The following SMURF2 variants were observed in gnomAD, a reference collection of about 807,000 sequenced individuals.
SMURF2 encodes E3 ubiquitin-protein ligase SMURF2.
In SMURF2, 48 loss-of-function variants were observed where a neutral mutation model predicts 109.6. That is an observed-to-expected ratio of 0.44 (90% CI 0.35 to 0.56). The LOEUF is 0.56. SMURF2 is among the 20% of genes least tolerant of loss of function. The pLI is 0.01. For missense variants in SMURF2, 575 were observed against 909.0 expected (o/e 0.63, Z 4.72); for synonymous variants, 288 against 317.1 (o/e 0.91, Z 0.97).
chr17:64,614,257 G>C (rs1970091689), intron 1 of SMURF2, among the ~76,000 whole-genome samples: 1 of 152,086 alleles, frequency 6.6e-6, no homozygotes, highest in Non-Finnish European at 1.5e-5. Context: ...TATACAGAAA[G>C]GCACAAAAAT....
chr17:64,592,834 C>T (rs1969768530), intron 4 of SMURF2, among the ~76,000 whole-genome samples: 1 of 152,192 alleles, frequency 6.6e-6, no homozygotes, highest in African/African-American at 2.4e-5. Context: ...TTGGTCTAAT[C>T]TTCTAAATCC....
rs1555682984 is a variant in SMURF2 at position 64,545,269 on chromosome 17, T to G, written c.*579A>C. 1 of 152,614 alleles carries G rather than the reference T, an allele frequency of 6.6e-6. No individual in the cohort carries two copies. The highest frequency in any genetic ancestry group is 1.5e-5 in the Non-Finnish European group (1 of 68,032). 9.5% of individuals were successfully genotyped at this position (152,614 alleles called of 1,614,324 possible). A position where few individuals can be genotyped will look rare whatever the true frequency, so the allele number is the denominator to read the frequency against. ...CTAGGTTGAAACATATAATGCAAAA[T>G]ATAATGCTCTGCTATAGAAAAACAC... is the stretch of plus-strand genomic sequence containing the variant. On this transcript the variant is annotated 3_prime_UTR_variant, in exon 19 of 19. Coordinates refer to ENST00000262435, the MANE Select transcript of SMURF2 (RefSeq NM_022739.4).
intron 1 of SMURF2, among the ~76,000 whole-genome samples, chr17:64,613,277 A>C (rs1970070592): frequency 6.6e-6 from 1 of 152,150 alleles, no homozygotes; most frequent in African/African-American, 2.4e-5. Flanking sequence ...CAAACTCCTG[A>C]TTATGTCACC....
chr17:64,548,238 C>T (rs1304436872), intron 16 of SMURF2, among the ~76,000 whole-genome samples: 3 of 152,116 alleles, frequency 2.0e-5, no homozygotes, highest in African/African-American at 7.2e-5. Context: ...AGTTTCAATA[C>T]CTATTAGCTT....
intron 1 of SMURF2, among the ~76,000 whole-genome samples, chr17:64,660,268 G>A (rs1970756968): frequency 6.6e-6 from 1 of 152,112 alleles, no homozygotes; most frequent in Non-Finnish European, 1.5e-5. Flanking sequence ...CTGCACACCT[G>A]GGATCACATG....
At chr17:64,612,228 C>T (rs557773161) in intron 1 of SMURF2, among the ~76,000 whole-genome samples, 1 of 152,240 alleles carries the variant, frequency 6.6e-6, no homozygotes, top group East Asian at 1.9e-4. Context: ...TCTCTTCCTG[C>T]ACCAAGCACA....
intron 5 of SMURF2, among the ~76,000 whole-genome samples, chr17:64,589,392 G>GTT (rs782203785): frequency 1.9e-4 from 26 of 134,812 alleles, no homozygotes; most frequent in South Asian, 2.4e-4. Context: ...TTATTTTTGA[G>GTT]TTTTTTTTTT....
chr17:64,580,561 T>C (rs1598280583), intron 8 of SMURF2, among the ~76,000 whole-genome samples: 1 of 152,214 alleles, frequency 6.6e-6, no homozygotes, highest in Non-Finnish European at 1.5e-5. Context: ...CTCACTTCAT[T>C]ATAGAAGAGC....
intron 1 of SMURF2, among the ~76,000 whole-genome samples, chr17:64,633,648 T>G (rs1459077919): frequency 5.3e-5 from 8 of 152,220 alleles, no homozygotes; most frequent in African/African-American, 1.9e-4. Context: ...ATCTTACAAC[T>G]TCAGTTGATT....
At position 64,545,716 on chromosome 17, in the gene SMURF2, TAA is replaced by T. The variant is rs1555683029; in HGVS notation, c.*130_*131del. The T allele has an allele frequency of 7.0e-3, 935 of 133,950 alleles. No individual in the cohort carries two copies. The highest frequency in any genetic ancestry group is 0.011 in the South Asian group (110 of 10,162). 8.3% of individuals were successfully genotyped at this position (133,950 alleles called of 1,614,324 possible). A position where few individuals can be genotyped will look rare whatever the true frequency, so the allele number is the denominator to read the frequency against. ...TTTCCCCTCACAGTGTCCTAAAATGTAAAAAAAAAAAAAAAAAGGGGGGGGGG... is the reference window on the plus strand; with the variant it reads ...TTTCCCCTCACAGTGTCCTAAAATGTAAAAAAAAAAAAAAAGGGGGGGGGG... On this transcript the variant is annotated 3_prime_UTR_variant, in exon 19 of 19. Coordinates refer to ENST00000262435, the MANE Select transcript of SMURF2 (RefSeq NM_022739.4).
intron 2 of SMURF2, among the ~76,000 whole-genome samples, chr17:64,603,781 A>G (rs1969932345): frequency 6.6e-6 from 1 of 152,266 alleles, no homozygotes; most frequent in South Asian, 2.1e-4. Context: ...GTTCAAAAAC[A>G]TGAGTTAAAA....
intron 1 of SMURF2, among the ~76,000 whole-genome samples, chr17:64,655,252 CTTTTTTTT>C (rs749497302): frequency 1.2e-4 from 10 of 85,902 alleles, no homozygotes; most frequent in African/African-American, 2.7e-4. Context: ...AATGAAATGT[CTTTTTTTT>C]TTTTTTTTTT....
intron 1 of SMURF2, among the ~76,000 whole-genome samples, chr17:64,650,173 C>G (rs1464818460): frequency 1.3e-5 from 2 of 151,212 alleles, no homozygotes; most frequent in Non-Finnish European, 1.5e-5. Flanking sequence ...GTACATTATT[C>G]CATCATATTG....
At chr17:64,614,500 T>C (rs1488686944) in intron 1 of SMURF2, among the ~76,000 whole-genome samples, 1 of 152,226 alleles carries the variant, frequency 6.6e-6, no homozygotes, top group Non-Finnish European at 1.5e-5. Context: ...ATCATGTTAC[T>C]ACCCTTCTCA....
At chr17:64,576,984 C>T (rs562480486) in intron 9 of SMURF2, among the ~76,000 whole-genome samples, 2 of 148,840 alleles carry the variant, frequency 1.3e-5, no homozygotes, top group East Asian at 4.0e-4. Context: ...ACTTTAGCCT[C>T]GCGAGCAGCT....
At chr17:64,580,536 T>A (rs1198855462) in intron 8 of SMURF2, among the ~76,000 whole-genome samples, 2 of 152,206 alleles carry the variant, frequency 1.3e-5, no homozygotes, top group African/African-American at 2.4e-5. Flanking sequence ...ACTACCTTTG[T>A]TATAAACTAG....
chr17:64,558,843 A>G (rs578115605), intron 12 of SMURF2, among the ~76,000 whole-genome samples: 4 of 152,350 alleles, frequency 2.6e-5, no homozygotes, highest in African/African-American at 9.6e-5. Flanking sequence ...TCTAGTCTTA[A>G]TTCTTGTCAT....
intron 2 of SMURF2, among the ~76,000 whole-genome samples, chr17:64,605,561 A>G (rs965617695): frequency 4.0e-5 from 6 of 151,140 alleles, no homozygotes; most frequent in Non-Finnish European, 8.8e-5. Context: ...TGCCTCTACA[A>G]AGAATAGTAA....
chr17:64,594,865 C>T lies in SMURF2; in HGVS notation c.201-1292G>A, dbSNP rs1267447744. ...CTTAGCCAGGCACGGTGGCATGCAC[C>T]TGCAATCCCAGCTACTTGGGAGGCT... On this transcript the variant is annotated intron_variant, in intron 3 of 18. Transcript: ENST00000262435. 7.2e-5 allele frequency among the ~76,000 whole-genome samples: 11 copies of T among 152,182 alleles called. No individual in the cohort carries two copies. The East Asian group carries it at 2.1e-3, about 29-fold the overall frequency.
Sources: allele counts gnomAD v4.1 joint callset (sites outside exome capture counted in the v4.1 genomes callset), GRCh38; gene constraint gnomAD v4.1.1; transcripts MANE v1.5; gene names NCBI Gene and HGNC (gene_info 2026-07-23, HGNC 2026-07-21).